The following C2CD2 variants were observed in gnomAD, a reference collection of about 807,000 sequenced individuals.
The protein encoded by C2CD2 is C2 calcium dependent domain containing 2, also known as C2 domain-containing protein 2.
Under a neutral mutation model 74.3 loss-of-function variants are expected in C2CD2, and 43 were observed. The ratio of observed to expected loss-of-function variants is 0.58; its 90% confidence interval spans 0.45 to 0.75. The LOEUF (loss-of-function observed/expected upper bound fraction) is 0.75, where lower values mean the gene tolerates loss of function less well. C2CD2 is among the 30% of genes least tolerant of loss of function. The probability of loss-of-function intolerance (pLI) is 0.00; values close to 1 mark genes in which losing one functional copy is unlikely to be tolerated. For synonymous variants in C2CD2, 422 were observed against 390.7 expected, an observed-to-expected ratio of 1.08 and a Z score of -0.94; for missense variants, 801 against 916.3, an observed-to-expected ratio of 0.87 and a Z score of 1.63.
chr21:41,948,405 G>A (rs575176213), intron 1 of C2CD2, among the ~76,000 whole-genome samples: 15 of 152,358 alleles, frequency 9.8e-5, no homozygotes, highest in South Asian at 2.1e-4. Context: ...AGGGCAGGGC[G>A]GGGAGCATCT....
chr21:41,948,226 T>C (rs1328495749), intron 1 of C2CD2, among the ~76,000 whole-genome samples: 1 of 152,078 alleles, frequency 6.6e-6, no homozygotes, highest in African/African-American at 2.4e-5. Context: ...CACCACTGTT[T>C]CTCCTCCTCC....
chr21:41,918,058 G>T (rs779233912), intron 5 of C2CD2, 47 bp downstream of exon 5: 10 of 1,608,686 alleles, frequency 6.2e-6, no homozygotes, highest in Non-Finnish European at 8.5e-6. Flanking sequence ...GTGGGCCATG[G>T]TGCCTAACGG....
Position 41,953,659 on chromosome 21 carries a change from C to G in C2CD2, c.-11G>C. The stretch of plus-strand genomic sequence containing the variant: ...CCGGGCCATGGCCATGGCGCATCCC[C>G]GGCCCGCCTCGCCCCAACTTCCCCG... On this transcript the variant is annotated 5_prime_UTR_variant, in exon 1 of 14. Transcript: ENST00000380486. 1.1e-5 allele frequency: 15 copies of G among 1,405,420 alleles called. No individual in the cohort carries two copies. Among genetic ancestry groups the G allele is most frequent in the Non-Finnish European group, 1.4e-5 (15 of 1,084,880 alleles). 87.1% of individuals were successfully genotyped at this position (1,405,420 alleles called of 1,614,324 possible). A position where few individuals can be genotyped will look rare whatever the true frequency, so the allele number is the denominator to read the frequency against.
intron 1 of C2CD2, 114 bp downstream of exon 1, chr21:41,953,256 G>A: frequency 3.4e-6 from 2 of 591,622 alleles, no homozygotes; most frequent in Non-Finnish European, 5.4e-6. Flanking sequence ...GCGCTGGGGG[G>A]AGGACTCCCT....
At chr21:41,908,428 C>G (rs1460490388) in intron 8 of C2CD2, 3 of 152,780 alleles carry the variant, frequency 2.0e-5, no homozygotes, top group Non-Finnish European at 4.4e-5. Context: ...TCAGGCTGGG[C>G]TGGAACGAAA....
rs774168838 is a variant in C2CD2 at position 41,918,205 on chromosome 21, G to A, written c.620C>T (p.Ala207Val). ...GATGTCCTTGAGAACGTCAGACATC[G>A]CACTTGTCTCAGCCACCTGGTCCTG... ...LGEDQVAETS[A>V]MSDVLKDILK... The change falls in exon 5 of 14, where the codon GCG (alanine) becomes GTG (valine). Residue 207 changes from alanine (A) to valine (V), a missense_variant. Transcript: ENST00000380486. 2.8e-5 allele frequency: 45 copies of A among 1,613,898 alleles called. No individual in the cohort carries two copies. The highest frequency in any genetic ancestry group is 2.2e-4 in the South Asian group (20 of 91,080).
intron 1 of C2CD2, chr21:41,952,980 T>G: frequency 5.6e-5 from 11 of 196,998 alleles, no homozygotes; most frequent in East Asian, 1.2e-4. Context: ...CGGAAGCACA[T>G]TGGGGTCACA....
At chr21:41,936,722 C>G (rs566369941) in intron 2 of C2CD2, among the ~76,000 whole-genome samples, 1 of 151,876 alleles carries the variant, frequency 6.6e-6, no homozygotes, top group South Asian at 2.1e-4. Flanking sequence ...GCCTACTCAA[C>G]GTGAAGACGA....
chr21:41,934,769 C>A (rs149817322), intron 2 of C2CD2, among the ~76,000 whole-genome samples: 138 of 152,138 alleles, frequency 9.1e-4, no homozygotes, highest in African/African-American at 3.3e-3. Context: ...GGTGAGAAGC[C>A]GAGCCACACA....
At position 41,901,765 on chromosome 21, in the gene C2CD2, C is replaced by T; in HGVS notation, c.1433-16G>A. The T allele has an allele frequency of 2.5e-6, 4 of 1,613,222 alleles. No individual in the cohort carries two copies. The highest frequency in any genetic ancestry group is 3.3e-5 in the Admixed American group (2 of 60,020). ...ACCAACAATTCTACCAGAAGGAAGG[C>T]AGTGTTAAGTTCATCAGCAAAAATT... On this transcript the variant is annotated splice_polypyrimidine_tract_variant and intron_variant, in intron 11 of 13. Transcript: ENST00000380486.
intron 13 of C2CD2, 43 bp from the exon 14 acceptor site, chr21:41,889,387 T>C (rs756329589): frequency 1.5e-6 from 2 of 1,358,572 alleles, no homozygotes; most frequent in African/African-American, 1.4e-5. Flanking sequence ...GGGCAGGGAA[T>C]GAGGGGCTGA....
At position 41,909,493 on chromosome 21, in the gene C2CD2, G is replaced by C; in HGVS notation, c.984C>G (p.His328Gln). Residue 328 changes from histidine to glutamine, a missense_variant, in exon 8 of 14, where the codon CAC (histidine) becomes CAG (glutamine). Physicochemically the swap from His to Gln is conservative, Grantham distance 24. Transcript: ENST00000380486. ...ATCGCCCAGCCTCTGAAATCTGCAG[G>C]TGTAACTCCTTCGACTTGGCATTCA... ...FELNAKSKEL[H>Q]LQISEAGRSS... The C allele has an allele frequency of 6.2e-7, 1 of 1,613,700 alleles. No homozygotes were observed. The highest frequency in any genetic ancestry group is 8.5e-7 in the Non-Finnish European group (1 of 1,179,642).
In C2CD2 at chr21:41,908,065, C is replaced by T. The variant is rs765947615; in HGVS notation, c.1019-281G>A. 10 of 427,592 alleles carry T rather than the reference C, an allele frequency of 2.3e-5. No individual in the cohort carries two copies. In the East Asian group the frequency reaches 4.0e-4, roughly 17 times the overall value. The allele number at this position is 427,592 out of a possible 1,614,324, so 26.5% of individuals were successfully genotyped here. On this transcript the variant is annotated intron_variant, in intron 8 of 13. Coordinates refer to ENST00000380486, the MANE Select transcript of C2CD2 (RefSeq NM_015500.2). ...AAGGTCACTGCTCTGAAGGACATCACGGGGTCGTCCAGTGACAAAAACTGG... is the reference window on the plus strand; with the variant it reads ...AAGGTCACTGCTCTGAAGGACATCATGGGGTCGTCCAGTGACAAAAACTGG...
intron 1 of C2CD2, among the ~76,000 whole-genome samples, chr21:41,947,127 T>C (rs1287424094): frequency 2.9e-5 from 3 of 102,952 alleles, no homozygotes; most frequent in Non-Finnish European, 6.1e-5. Flanking sequence ...TCTCTCTCTC[T>C]CTCTCTCTCT....
rs1207771364 is a variant in C2CD2 at position 41,953,963 on chromosome 21, G to A, written c.-315C>T. 6.7e-6 allele frequency: 1 copy of A among 149,742 alleles called. No individual in the cohort carries two copies. Among genetic ancestry groups the A allele is most frequent in the African/African-American group, 2.4e-5 (1 of 41,016 alleles). 9.3% of individuals were successfully genotyped at this position (149,742 alleles called of 1,614,324 possible). The stretch of plus-strand genomic sequence containing the variant: ...GCCGCTGCGGGCCGCGCTTCCTCCT[G>A]CGCGCGCCGCCCCGGGCGTCCCGCC... On this transcript the variant is annotated 5_prime_UTR_variant, in exon 1 of 14. Transcript: ENST00000380486.
chr21:41,934,566 T>C (rs968552620), intron 2 of C2CD2, among the ~76,000 whole-genome samples: 8 of 152,182 alleles, frequency 5.3e-5, no homozygotes, highest in Admixed American at 1.3e-4. Flanking sequence ...GCACGTACTC[T>C]TTCTCAAGTA....
In C2CD2 at chr21:41,921,990, G is replaced by A. The variant is rs368387163; in HGVS notation, c.474C>T (p.Leu158=). The change falls in exon 3 of 14, where the codon CTC becomes CTT. Residue 158 remains leucine, a synonymous_variant. Coordinates refer to ENST00000380486, the MANE Select transcript of C2CD2 (RefSeq NM_015500.2). ...GAGCRLYDMR[L]SPFHLQLEFH... ...TCTTTACCTGTAAATGGAAAGGGGA[G>A]AGCCGCATGTCGTACAGCCGGCATC... 2.9e-5 allele frequency: 47 copies of A among 1,611,826 alleles called. No individual in the cohort carries two copies. Among genetic ancestry groups the A allele is most frequent in the Non-Finnish European group, 3.7e-5 (44 of 1,177,934 alleles).
chr21:41,916,897 T>G (rs1408362311), intron 5 of C2CD2, among the ~76,000 whole-genome samples: 1 of 152,248 alleles, frequency 6.6e-6, no homozygotes, highest in Non-Finnish European at 1.5e-5. Flanking sequence ...ACATTAAAAG[T>G]TGATTGTCAC....
At chr21:41,911,958 A>G (rs1463239288) in intron 7 of C2CD2, among the ~76,000 whole-genome samples, 1 of 152,038 alleles carries the variant, frequency 6.6e-6, no homozygotes, top group Admixed American at 6.5e-5. Flanking sequence ...CGTCTCTGCC[A>G]CCCAAACAGC....
Sources: allele counts gnomAD v4.1 joint callset (sites outside exome capture counted in the v4.1 genomes callset), GRCh38; gene constraint gnomAD v4.1.1; transcripts MANE v1.5; gene names NCBI Gene and HGNC (gene_info 2026-07-23, HGNC 2026-07-21).